ZNF99: variants seen among roughly 807,000 people sequenced by gnomAD.
ZNF99 encodes zinc finger protein ENSP00000375192.
ZNF99 carries 8 observed loss-of-function variants against 12.8 expected under a neutral mutation model. The observed-to-expected ratio is 0.62, with a 90% CI of 0.37 to 1.13. The LOEUF (loss-of-function observed/expected upper bound fraction) is 1.13. Ranked by LOEUF, ZNF99 falls within the 50% of genes most tolerant of loss-of-function variation. The pLI, the probability that ZNF99 is intolerant of heterozygous loss-of-function variation, is 0.02. For missense variants in ZNF99, 1,007 were observed against 1,006.2 expected, an observed-to-expected ratio of 1.00 and a Z score of -0.01; for synonymous variants, 318 against 319.0, an observed-to-expected ratio of 1.00 and a Z score of 0.03.
rs1973371189 is a variant in ZNF99 at position 22,780,101 on chromosome 19, G to A, written c.3+3913C>T. ...TCCATGACTGGGGTGAGCAGGCTGG[G>A]ATATCTGCAGAGAAGACTCCCCAGA... On this transcript the variant is annotated intron_variant, in intron 1 of 3. Transcript: ENST00000596209. 3.3e-5 allele frequency among the ~76,000 whole-genome samples: 5 copies of A among 152,240 alleles called. No individual in the cohort carries two copies. The South Asian group carries it at 1.0e-3, about 32-fold the overall frequency.
chr19:22,762,720 T>C lies in ZNF99; in HGVS notation c.227-3038A>G, dbSNP rs545957964. ...CACAGACTGACGTCCCTGATGAAAA[T>C]AGATGCTAAAATCCTTAACAAAATA... On this transcript the variant is annotated intron_variant, in intron 3 of 3. Coordinates refer to ENST00000596209, the MANE Select transcript of ZNF99 (RefSeq NM_001080409.3). Among the ~76,000 whole-genome samples, 39 of 152,124 alleles carry C rather than the reference T, an allele frequency of 2.6e-4. 1 individual carries two copies. In the South Asian group the frequency reaches 7.5e-3, roughly 29 times the overall value.
At position 22,755,570 on chromosome 19, in the gene ZNF99, G is replaced by A. The variant is rs1421714489; in HGVS notation, c.*1744C>T. On this transcript the variant is annotated 3_prime_UTR_variant, in exon 4 of 4. Coordinates refer to ENST00000596209, the MANE Select transcript of ZNF99 (RefSeq NM_001080409.3). The stretch of plus-strand genomic sequence containing the variant: ...TCCAGTATGAATTATCTTATGTTCA[G>A]TAAGTTTTGAGAAGCAGTTAAAAGT... 4 of 285,056 alleles carry A rather than the reference G, an allele frequency of 1.4e-5. No individual in the cohort carries two copies. The highest frequency in any genetic ancestry group is 8.6e-5 in the Admixed American group (2 of 23,334). The allele number at this position is 285,056 out of a possible 1,614,324, so 17.7% of individuals were successfully genotyped here.
Position 22,754,290 on chromosome 19 carries a change from C to A in ZNF99, c.*3024G>T, listed in dbSNP as rs1284247736. ...GTTGAGGCCAGAGAATCGCTTGAAC[C>A]CAGGAGGCGGAGGTTGCAATGAACT... is the stretch of plus-strand genomic sequence containing the variant. On this transcript the variant is annotated 3_prime_UTR_variant, in exon 4 of 4. Coordinates refer to ENST00000596209, the MANE Select transcript of ZNF99 (RefSeq NM_001080409.3). The A allele has an allele frequency of 2.3e-6, 1 of 432,196 alleles. No individual in the cohort carries two copies. Among genetic ancestry groups the A allele is most frequent in the Non-Finnish European group, 4.7e-6 (1 of 214,840 alleles). 26.8% of individuals were successfully genotyped at this position (432,196 alleles called of 1,614,324 possible).
Position 22,756,206 on chromosome 19 carries a change from T to G in ZNF99, c.*1108A>C. ...AGCTTTGACACATTCTTCACATTTT[T>G]AGGGCTTCTCCCCAGTATGAATTAT... On this transcript the variant is annotated 3_prime_UTR_variant, in exon 4 of 4. Coordinates refer to ENST00000596209, the MANE Select transcript of ZNF99 (RefSeq NM_001080409.3). 1.3e-6 allele frequency: 2 copies of G among 1,562,080 alleles called. No homozygotes were observed. The highest frequency in any genetic ancestry group is 1.7e-6 in the Non-Finnish European group (2 of 1,151,702).
Position 22,758,114 on chromosome 19 carries a change from C to G in ZNF99, c.1795G>C (p.Gly599Arg). 7 of 1,611,556 alleles carry G rather than the reference C, an allele frequency of 4.3e-6. No individual in the cohort carries two copies. The highest frequency in any genetic ancestry group is 5.9e-6 in the Non-Finnish European group (7 of 1,178,354). ...GCTGAGAAGTGGTTAAAAGCTTTGC[C>G]ACATTCTTCACATTTGTAGGGTTTC... ...GEKPYKCEEC[G>R]KAFNHFSALR... is the part of the protein sequence containing the mutation. Residue 599 changes from glycine to arginine, a missense_variant, in exon 4 of 4, where the codon GGC becomes CGC. By Grantham distance (125) the Gly-to-Arg change is moderately radical (BLOSUM62 -2). Transcript: ENST00000596209.
chr19:22,779,036 G>A (rs1973358996), intron 1 of ZNF99, among the ~76,000 whole-genome samples: 1 of 151,446 alleles, frequency 6.6e-6, no homozygotes, highest in African/African-American at 2.4e-5. Context: ...AAAGAGGTGG[G>A]GAAAGATAAA....
In ZNF99 at chr19:22,763,693, C is replaced by T. The variant is rs1444363754; in HGVS notation, c.227-4011G>A. ...CCAAAGCAAGACTAAGCAAAAAGAA[C>T]AAATCTGAAGGCATCACACTACCTG... On this transcript the variant is annotated intron_variant, in intron 3 of 3. Transcript: ENST00000596209. 2.6e-5 allele frequency among the ~76,000 whole-genome samples: 4 copies of T among 152,042 alleles called. No homozygotes were observed. In the South Asian group the frequency reaches 8.3e-4, roughly 32 times the overall value.
Position 22,755,846 on chromosome 19 carries a change from C to T in ZNF99, c.*1468G>A. ...GTAAGATTTGAGGACCAGTTAAAAG[C>T]TTTGCCATATTATTCACATTTGTGG... On this transcript the variant is annotated 3_prime_UTR_variant, in exon 4 of 4. Transcript: ENST00000596209. 3.1e-6 allele frequency: 1 copy of T among 325,072 alleles called. No homozygotes were observed. Among genetic ancestry groups the T allele is most frequent in the Non-Finnish European group, 6.1e-6 (1 of 163,266 alleles). 20.1% of individuals were successfully genotyped at this position (325,072 alleles called of 1,614,324 possible).
In ZNF99 at chr19:22,759,411, T is replaced by C; in HGVS notation, c.498A>G (p.Arg166=). 3 of 1,576,398 alleles carry C rather than the reference T, an allele frequency of 1.9e-6. No homozygotes were observed. The highest frequency in any genetic ancestry group is 1.7e-6 in the Non-Finnish European group (2 of 1,159,932). The part of the protein sequence containing the change: ...KYSNSNRYKI[R]HTKKKTFKCM... ...ATTTGAAAGTTTTCTTTTTAGTGTGTCTAATCTTATATCTATTTGAATTTG... is the reference window on the plus strand; with the variant it reads ...ATTTGAAAGTTTTCTTTTTAGTGTGCCTAATCTTATATCTATTTGAATTTG... Residue 166 remains arginine, a synonymous_variant, in exon 4 of 4, where the codon AGA becomes AGG. Coordinates refer to ENST00000596209, the MANE Select transcript of ZNF99 (RefSeq NM_001080409.3).
In ZNF99 at chr19:22,759,122, C is replaced by G; in HGVS notation, c.787G>C (p.Gly263Arg). The change falls in exon 4 of 4, where the codon GGC (glycine) becomes CGC (arginine). Residue 263 changes from glycine (G) to arginine (R), a missense_variant. Gly to Arg is a moderately radical substitution (Grantham distance 125). Coordinates refer to ENST00000596209, the MANE Select transcript of ZNF99 (RefSeq NM_001080409.3). Reference protein sequence around the residue: ...GKKPCKCEECGKVFNNSSTLM... With the variant: ...GKKPCKCEECRKVFNNSSTLM... Reference sequence around the variant, plus strand: ...GTTGAGGAATTGTTAAAAACTTTGCCACATTCTTCACATTTGCAGGGTTTC... The same window carrying G: ...GTTGAGGAATTGTTAAAAACTTTGCGACATTCTTCACATTTGCAGGGTTTC... 1 of 1,611,690 alleles carries G rather than the reference C, an allele frequency of 6.2e-7. No homozygotes were observed. The highest frequency in any genetic ancestry group is 8.5e-7 in the Non-Finnish European group (1 of 1,178,818).
chr19:22,771,835 A>C (rs890515898), intron 1 of ZNF99, among the ~76,000 whole-genome samples: 5 of 142,648 alleles, frequency 3.5e-5, no homozygotes. Flanking sequence ...CTCCTGCCTC[A>C]GCCTCCTGAG....
rs1972988756 is a variant in ZNF99, at chr19:22,752,847, TTC to T, written c.*4465_*4466del. 1 of 152,190 alleles carries T rather than the reference TTC, an allele frequency of 6.6e-6. No individual in the cohort carries two copies. Among genetic ancestry groups the T allele is most frequent in the African/African-American group, 2.4e-5 (1 of 41,468 alleles). The allele number at this position is 152,190 out of a possible 1,614,324, so 9.4% of individuals were successfully genotyped here. On this transcript the variant is annotated 3_prime_UTR_variant, in exon 4 of 4. Transcript: ENST00000596209. Reference sequence around the variant, plus strand: ...TTTTAACTAAAATTTTAAAATGTTTTTCTCACTATAATGCACAAAAATATATT... The same window carrying T: ...TTTTAACTAAAATTTTAAAATGTTTTTCACTATAATGCACAAAAATATATT...
At chr19:22,768,532 AT>A in intron 2 of ZNF99, 132 bp from the exon 3 acceptor site, 1 of 727,032 alleles carries the variant, frequency 1.4e-6, no homozygotes, top group Non-Finnish European at 2.1e-6. Context: ...ATTTCTAAAT[AT>A]TTAGAAAATA....
chr19:22,761,722 T>C (rs8107024), intron 3 of ZNF99, among the ~76,000 whole-genome samples: 15,771 of 152,144 alleles, frequency 0.1, 1,865 homozygotes, highest in African/African-American at 0.29. Flanking sequence ...CTTCTCCAAA[T>C]AGACCGTATG....
chr19:22,777,721 T>A (rs899438483), intron 1 of ZNF99, among the ~76,000 whole-genome samples: 2 of 152,064 alleles, frequency 1.3e-5, no homozygotes, highest in Admixed American at 6.6e-5. Context: ...CTGCTGCAGA[T>A]TCAGTGTCTG....
intron 1 of ZNF99, among the ~76,000 whole-genome samples, chr19:22,783,774 C>T (rs1374698848): frequency 4.6e-5 from 7 of 152,168 alleles, no homozygotes; most frequent in Non-Finnish European, 8.8e-5. Context: ...AAGAGCGGCC[C>T]AGAGAGGGCT....
Position 22,758,217 on chromosome 19 carries a change from T to C in ZNF99, c.1692A>G (p.Pro564=). Residue 564 remains proline (P), a synonymous_variant, in exon 4 of 4, where the codon CCA becomes CCG. Coordinates refer to ENST00000596209, the MANE Select transcript of ZNF99 (RefSeq NM_001080409.3). Reference sequence around the variant, plus strand: ...CTTTGCCACATTCTTCACATTTGTATGGTTTCTTCCCAGTATGAATTATCT... The same window carrying C: ...CTTTGCCACATTCTTCACATTTGTACGGTTTCTTCCCAGTATGAATTATCT... ...KHKIIHTGKK[P]YKCEECGKAF... is the part of the protein sequence containing the mutation. 6.2e-7 allele frequency: 1 copy of C among 1,610,076 alleles called. No individual in the cohort carries two copies.
chr19:22,784,061 A>C lies in ZNF99; in HGVS notation c.-45T>G, dbSNP rs1262775176. 1 of 1,611,906 alleles carries C rather than the reference A, an allele frequency of 6.2e-7. No individual in the cohort carries two copies. Among genetic ancestry groups the C allele is most frequent in the Non-Finnish European group, 8.5e-7 (1 of 1,178,690 alleles). On this transcript the variant is annotated 5_prime_UTR_variant, in exon 1 of 4. Transcript: ENST00000596209. ...CCTGGCGTCCTAGCTGTGGATCTCC[A>C]AATACCTACAGGTCACAGGGCCACA...
intron 1 of ZNF99, among the ~76,000 whole-genome samples, chr19:22,780,071 C>A (rs923217164): frequency 1.3e-5 from 2 of 152,112 alleles, no homozygotes; most frequent in South Asian, 4.1e-4. Flanking sequence ...AGGATAAAGT[C>A]TCCTTCCATG....
Sources: allele counts gnomAD v4.1 joint callset (sites outside exome capture counted in the v4.1 genomes callset), GRCh38; gene constraint gnomAD v4.1.1; transcripts MANE v1.5; gene names NCBI Gene and HGNC (gene_info 2026-07-23, HGNC 2026-07-21).